The following RYR3 variants were observed in gnomAD, a reference collection of about 807,000 sequenced individuals.
RYR3 encodes brain ryanodine receptor-calcium release channel.
A neutral mutation model predicts 584.3 loss-of-function variants in RYR3; 207 were observed. The ratio of observed to expected loss-of-function variants is 0.35; its 90% CI spans 0.32 to 0.40. The LOEUF is 0.40. RYR3 is among the 10% of genes least tolerant of loss of function. RYR3 has a pLI of 1.00. For missense variants in RYR3, 5,616 were observed against 6,089.2 expected (o/e 0.92, Z 2.59); for synonymous variants, 2,416 against 2,248.5 (o/e 1.07, Z -2.11).
chr15:33,550,906 A>G (rs540748356), intron 10 of RYR3, among the ~76,000 whole-genome samples: 1 of 151,944 alleles, frequency 6.6e-6, no homozygotes, highest in Non-Finnish European at 1.5e-5. Context: ...AACTATCCCT[A>G]CTCCCCACAT....
intron 31 of RYR3, among the ~76,000 whole-genome samples, chr15:33,652,252 CGA>C: frequency 6.6e-6 from 1 of 152,196 alleles, no homozygotes; most frequent in South Asian, 2.1e-4. Context: ...AATGTGGGCC[CGA>C]GTTTTCAAGT....
chr15:33,590,200 T>A (rs2059059620), intron 16 of RYR3, among the ~76,000 whole-genome samples: 1 of 152,172 alleles, frequency 6.6e-6, no homozygotes, highest in African/African-American at 2.4e-5. Context: ...AATGGTGGAA[T>A]GTCATCGGTT....
chr15:33,843,491 T>C lies in RYR3; in HGVS notation c.13213T>C (p.Tyr4405His), dbSNP rs1357307647. The C allele has an allele frequency of 6.2e-7, 1 of 1,600,416 alleles. No homozygotes were observed. Among genetic ancestry groups the C allele is most frequent in the South Asian group, 1.1e-5 (1 of 88,548 alleles). ...LEIYQTKLLH[Y>H]LARNFYNLRF... ...CTGCCTGTCCTTTTCTTTGCAGCATTACCTGGCCAGGAATTTCTACAACCT... is the reference window on the plus strand; with the variant it reads ...CTGCCTGTCCTTTTCTTTGCAGCATCACCTGGCCAGGAATTTCTACAACCT... The change falls in exon 92 of 104, where the codon TAC becomes CAC. Residue 4405 changes from tyrosine to histidine, a missense_variant. This residue lies in a region of RYR3 where 918 missense variants were observed against 887.4 expected (regional missense o/e 1.03). Coordinates refer to ENST00000634891, the MANE Select transcript of RYR3 (RefSeq NM_001036.6).
chr15:33,479,515 G>A (rs1023746235), intron 2 of RYR3, among the ~76,000 whole-genome samples: 5 of 146,768 alleles, frequency 3.4e-5, no homozygotes, highest in Non-Finnish European at 5.9e-5. Flanking sequence ...CATTTATCAG[G>A]CATCATGCGC....
intron 1 of RYR3, among the ~76,000 whole-genome samples, chr15:33,447,728 A>G (rs1203991459): frequency 2.0e-5 from 3 of 152,224 alleles, no homozygotes; most frequent in Non-Finnish European, 4.4e-5. Context: ...CAAGGGCTCA[A>G]TAGCCACACA....
At chr15:33,424,923 G>A (rs2044496576) in intron 1 of RYR3, among the ~76,000 whole-genome samples, 1 of 152,150 alleles carries the variant, frequency 6.6e-6, no homozygotes, top group Non-Finnish European at 1.5e-5. Flanking sequence ...GTCCAGCCTG[G>A]CAACATTTTG....
Position 33,631,226 on chromosome 15 carries a change from G to T in RYR3, c.2800G>T (p.Gly934Trp). 6.3e-7 allele frequency: 1 copy of T among 1,587,694 alleles called. No homozygotes were observed. Among genetic ancestry groups the T allele is most frequent in the East Asian group, 2.3e-5 (1 of 43,936 alleles). ...GTGTCACAGAACCCTCTTGGCCCTG[G>T]GGTGCCACATTGCTCATGTTAACCC... ...TETLKTLLAL[G>W]CHIAHVNPAA... The change falls in exon 23 of 104, where the codon GGG (glycine) becomes TGG (tryptophan). Residue 934 changes from glycine to tryptophan, a missense_variant. By Grantham distance (184) the Gly-to-Trp change is radical. Transcript: ENST00000634891.
At chr15:33,558,532 A>G (rs2057226736) in intron 10 of RYR3, among the ~76,000 whole-genome samples, 1 of 152,004 alleles carries the variant, frequency 6.6e-6, no homozygotes, top group African/African-American at 2.4e-5. Flanking sequence ...AGTCTTTGCT[A>G]TTGTGAGTAG....
At chr15:33,795,380 CTTTT>C (rs1201963780) in intron 67 of RYR3, among the ~76,000 whole-genome samples, 1 of 92,466 alleles carries the variant, frequency 1.1e-5, no homozygotes, top group African/African-American at 4.4e-5. Flanking sequence ...TTTTTCTTTT[CTTTT>C]TTTTTTTTTT....
In RYR3 at chr15:33,669,831, G is replaced by GGTGT. The variant is rs200233523; in HGVS notation, c.5722+385_5722+388dup. Among the ~76,000 whole-genome samples, 111 of 51,150 alleles carry GGTGT rather than the reference G, an allele frequency of 2.2e-3. 2 individuals are homozygous for GGTGT. The highest frequency in any genetic ancestry group is 3.4e-3 in the Non-Finnish European group (87 of 25,580). The allele number at this position is 51,150 out of a possible 152,430, so 33.6% of individuals were successfully genotyped here. ...ATCTCTTTGCTTTTTAGCTATTAGG[G>GGTGT]GTGTGTGTGTGTGGGGGGGGGGGGG... On this transcript the variant is annotated intron_variant, in intron 37 of 103. Coordinates refer to ENST00000634891, the MANE Select transcript of RYR3 (RefSeq NM_001036.6).
At chr15:33,360,493 GATATATC>G (rs2141003202) in intron 1 of RYR3, among the ~76,000 whole-genome samples, 1 of 152,270 alleles carries the variant, frequency 6.6e-6, no homozygotes, top group African/African-American at 2.4e-5. Flanking sequence ...ACTTTGTATG[GATATATC>G]ACAGTTTACC....
intron 1 of RYR3, among the ~76,000 whole-genome samples, chr15:33,347,649 G>C (rs941690786): frequency 6.6e-6 from 1 of 151,920 alleles, no homozygotes; most frequent in South Asian, 2.1e-4. Context: ...GGGTTTCACC[G>C]TGTTATCCAG....
intron 75 of RYR3, 53 bp from the exon 76 acceptor site, chr15:33,818,525 C>T (rs757043329): frequency 5.2e-6 from 7 of 1,343,884 alleles, no homozygotes; most frequent in Non-Finnish European, 7.5e-6. Flanking sequence ...ATGCCAGTCA[C>T]GTGGCACGAG....
chr15:33,409,085 C>T (rs894903868), intron 1 of RYR3, among the ~76,000 whole-genome samples: 35 of 152,158 alleles, frequency 2.3e-4, no homozygotes, highest in African/African-American at 8.0e-4. Flanking sequence ...AATCAGTGGC[C>T]CTTCTGCCAG....
Position 33,639,946 on chromosome 15 carries a change from A to G in RYR3, c.3556+3396A>G, listed in dbSNP as rs374565730. ...TTCTCTTTTCCTCTGTTTAAAGGAA[A>G]GGAACATAAAATCCTGAACATTCTG... On this transcript the variant is annotated intron_variant, in intron 27 of 103. Transcript: ENST00000634891. 2.5e-4 allele frequency among the ~76,000 whole-genome samples: 38 copies of G among 152,336 alleles called. 1 individual carries two copies. Among genetic ancestry groups the G allele is most frequent in the African/African-American group, 9.1e-4 (38 of 41,578 alleles).
At position 33,838,638 on chromosome 15, in the gene RYR3, G is replaced by A. The variant is rs2078179653; in HGVS notation, c.12658G>A (p.Val4220Ile). Residue 4220 changes from valine to isoleucine, a missense_variant, in exon 89 of 104, where the codon GTA becomes ATA. Coordinates refer to ENST00000634891, the MANE Select transcript of RYR3 (RefSeq NM_001036.6). ...LWSTVFGGGL[V>I]EGAKNIRVTK... The stretch of plus-strand genomic sequence containing the variant: ...GAGCACAGTGTTTGGAGGGGGCCTG[G>A]TAGAAGGGGCAAAGAACATCAGAGT... 1.2e-6 allele frequency: 2 copies of A among 1,613,898 alleles called. No individual in the cohort carries two copies. Among genetic ancestry groups the A allele is most frequent in the East Asian group, 2.2e-5 (1 of 44,884 alleles).
chr15:33,591,611 A>G (rs980307186), intron 16 of RYR3, among the ~76,000 whole-genome samples: 1 of 152,216 alleles, frequency 6.6e-6, no homozygotes, highest in African/African-American at 2.4e-5. Flanking sequence ...CCAGAGTAAG[A>G]TTCTGCTAAT....
At chr15:33,417,965 A>T (rs777550679) in intron 1 of RYR3, among the ~76,000 whole-genome samples, 2 of 152,060 alleles carry the variant, frequency 1.3e-5, no homozygotes, top group African/African-American at 4.8e-5. Flanking sequence ...AATTCTACTT[A>T]TGTGGTGAAT....
At chr15:33,705,246 T>A (rs2066614268) in intron 42 of RYR3, among the ~76,000 whole-genome samples, 1 of 152,112 alleles carries the variant, frequency 6.6e-6, no homozygotes, top group African/African-American at 2.4e-5. Flanking sequence ...CAAAATCAAA[T>A]CTGAACTCTA....
Sources: gnomAD v4.1 joint callset for allele counts (sites outside exome capture counted in the v4.1 genomes callset) on GRCh38, gnomAD v4.1.1 for gene constraint, gnomAD v4.1.1 regional missense constraint, MANE v1.5 for transcripts, NCBI Gene and HGNC (gene_info 2026-07-23, HGNC 2026-07-21) for gene names.